Variants in DGKH observed in about 807,000 individuals in gnomAD.
The protein encoded by DGKH is diacylglycerol kinase eta, also known as DAG kinase eta.
A neutral mutation model predicts 159.3 loss-of-function variants in DGKH; 90 were observed. The ratio of observed to expected loss-of-function variants is 0.57; its 90% CI spans 0.48 to 0.67. DGKH has a LOEUF of 0.67. Among genes scored for constraint, DGKH ranks in the 30% least tolerant of loss-of-function variants. The pLI is 0.00. For synonymous variants in DGKH, 536 were observed against 553.8 expected (o/e 0.97, Z 0.45); for missense variants, 1,181 against 1,506.1 (o/e 0.78, Z 3.57).
At chr13:42,078,736 G>A (rs749191991) in intron 1 of DGKH, among the ~76,000 whole-genome samples, 1 of 151,922 alleles carries the variant, frequency 6.6e-6, no homozygotes, top group South Asian at 2.1e-4. Flanking sequence ...TTAACATTAG[G>A]GGTACTTCAT....
chr13:42,210,803 G>C (rs750810026), intron 24 of DGKH, 38 bp downstream of exon 24: 1 of 1,578,610 alleles, frequency 6.3e-7, no homozygotes, highest in Non-Finnish European at 8.6e-7. Flanking sequence ...TGTGGGAACT[G>C]TGGTCTCAGC....
At chr13:42,129,922 G>C (rs1481059661) in intron 3 of DGKH, among the ~76,000 whole-genome samples, 1 of 152,002 alleles carries the variant, frequency 6.6e-6, no homozygotes, top group Non-Finnish European at 1.5e-5. Context: ...TAATTCCATT[G>C]TTCTTGAATA....
intron 5 of DGKH, among the ~76,000 whole-genome samples, chr13:42,156,666 GATA>G (rs773003056): frequency 1.3e-5 from 2 of 151,932 alleles, no homozygotes; most frequent in African/African-American, 2.4e-5. Flanking sequence ...AACTATATAT[GATA>G]ATAATAATAC....
chr13:42,129,669 T>TA, intron 3 of DGKH, 37 bp downstream of exon 3: 1 of 1,571,648 alleles, frequency 6.4e-7, no homozygotes. Flanking sequence ...TCTCAAAAGT[T>TA]ATAGAATGAC....
chr13:42,070,435 G>A, intron 1 of DGKH: 2 of 1,317,486 alleles, frequency 1.5e-6, no homozygotes, highest in Non-Finnish European at 2.2e-6. Context: ...CAGCAGAGAT[G>A]CAGCCTGCAG....
chr13:42,079,975 A>G (rs1248051270), intron 1 of DGKH, among the ~76,000 whole-genome samples: 1 of 152,098 alleles, frequency 6.6e-6, no homozygotes, highest in Non-Finnish European at 1.5e-5. Context: ...CTTTGGTCCC[A>G]TTTTCCTTCC....
intron 29 of DGKH, among the ~76,000 whole-genome samples, chr13:42,248,551 ATTG>A (rs1004226999): frequency 1.5e-4 from 22 of 147,196 alleles, no homozygotes; most frequent in East Asian, 7.8e-4. Context: ...TTTAAATTAT[ATTG>A]TTTAATATTT....
chr13:42,086,280 T>C (rs568009461), intron 1 of DGKH, among the ~76,000 whole-genome samples: 1 of 152,196 alleles, frequency 6.6e-6, no homozygotes, highest in African/African-American at 2.4e-5. Flanking sequence ...TGTGTCAACC[T>C]TGTTGCCTAA....
At chr13:42,104,173 T>C (rs1216331430) in intron 1 of DGKH, among the ~76,000 whole-genome samples, 1 of 152,218 alleles carries the variant, frequency 6.6e-6, no homozygotes, top group Non-Finnish European at 1.5e-5. Context: ...CATTTCTCTC[T>C]TATATCCCAG....
upstream of DGKH, among the ~76,000 whole-genome samples, chr13:42,045,074 T>C (rs1880727652): frequency 6.6e-6 from 1 of 152,156 alleles, no homozygotes; most frequent in African/African-American, 2.4e-5. Context: ...GGAGGATCTC[T>C]TGAGGCCAGG....
At chr13:42,092,192 A>G (rs768245970) in intron 1 of DGKH, among the ~76,000 whole-genome samples, 1 of 152,250 alleles carries the variant, frequency 6.6e-6, no homozygotes, top group Non-Finnish European at 1.5e-5. Context: ...AGGTTCCTCT[A>G]CAAACTAAAA....
chr13:42,220,537 T>G (rs1371011841), intron 28 of DGKH, among the ~76,000 whole-genome samples: 1 of 152,204 alleles, frequency 6.6e-6, no homozygotes, highest in East Asian at 1.9e-4. Flanking sequence ...AAAAGTGATG[T>G]AAAGCCTTAT....
At chr13:42,209,588 G>A in intron 23 of DGKH, 123 bp downstream of exon 23, 1 of 1,127,530 alleles carries the variant, frequency 8.9e-7, no homozygotes, top group Non-Finnish European at 1.2e-6. Context: ...AGGTCATGGT[G>A]GTTTGAAATA....
rs78701679 is a variant in DGKH at position 42,088,277 on chromosome 13, T to C, written c.193-39186T>C. 5.6e-3 allele frequency among the ~76,000 whole-genome samples: 860 copies of C among 152,282 alleles called. 9 individuals are homozygous for C. Among genetic ancestry groups the C allele is most frequent in the East Asian group, 0.047 (246 of 5,188 alleles). On this transcript the variant is annotated intron_variant, in intron 1 of 29. Coordinates refer to ENST00000337343, the MANE Select transcript of DGKH (RefSeq NM_178009.5). Reference sequence around the variant, plus strand: ...CTGGAAGAAATTTTAAAGGAAGCTATCTAGGCCAAATAAAAATAGTACCAG... The same window carrying C: ...CTGGAAGAAATTTTAAAGGAAGCTACCTAGGCCAAATAAAAATAGTACCAG...
chr13:42,099,556 G>C (rs954941878), intron 1 of DGKH, among the ~76,000 whole-genome samples: 1 of 152,178 alleles, frequency 6.6e-6, no homozygotes, highest in Non-Finnish European at 1.5e-5. Flanking sequence ...TGTGAATGGC[G>C]GGGCTGAGGC....
At chr13:42,148,766 C>T (rs192743880) in intron 3 of DGKH, among the ~76,000 whole-genome samples, 105 of 152,168 alleles carry the variant, frequency 6.9e-4, no homozygotes, top group Non-Finnish European at 1.1e-3. Context: ...CCATGGTTGT[C>T]ACATCACGCT....
At chr13:42,169,362 G>T (rs1956390649) in intron 11 of DGKH, among the ~76,000 whole-genome samples, 1 of 152,150 alleles carries the variant, frequency 6.6e-6, no homozygotes, top group Admixed American at 6.6e-5. Flanking sequence ...TTCAAATGAA[G>T]GGACTATCAT....
In DGKH at chr13:42,200,688, A is replaced by G. The variant is rs115867953; in HGVS notation, c.2493+779A>G. Among the ~76,000 whole-genome samples, 1,445 of 152,324 alleles carry G rather than the reference A, an allele frequency of 9.5e-3. 29 individuals carry two copies. Among genetic ancestry groups the G allele is most frequent in the African/African-American group, 0.031 (1,309 of 41,566 alleles). Reference sequence around the variant, plus strand: ...CATTATTATTTGGGGTGTTATCCAAACACTGGAATGTGGACTAAAGAGGTG... The same window carrying G: ...CATTATTATTTGGGGTGTTATCCAAGCACTGGAATGTGGACTAAAGAGGTG... On this transcript the variant is annotated intron_variant, in intron 20 of 29. Coordinates refer to ENST00000337343, the MANE Select transcript of DGKH (RefSeq NM_178009.5).
chr13:42,175,965 T>C (rs1469721128), intron 12 of DGKH, among the ~76,000 whole-genome samples: 2 of 152,228 alleles, frequency 1.3e-5, no homozygotes, highest in Non-Finnish European at 2.9e-5. Context: ...GGTAAATATA[T>C]ACAGAGTGCT....
Sources: gnomAD v4.1 joint callset for allele counts (sites outside exome capture counted in the v4.1 genomes callset) on GRCh38, gnomAD v4.1.1 for gene constraint, MANE v1.5 for transcripts, NCBI Gene and HGNC (gene_info 2026-07-23, HGNC 2026-07-21) for gene names.